Variants in RCE1 observed in about 807,000 individuals in gnomAD.
The protein encoded by RCE1 is Ras converting CAAX endopeptidase 1, also known as CAAX prenyl protease 2.
In RCE1, 15 loss-of-function variants were observed where a neutral mutation model predicts 35.0. That is an observed-to-expected ratio of 0.43 (90% CI 0.29 to 0.66). The LOEUF is 0.66. Ranked by LOEUF, RCE1 falls within the 30% of genes least tolerant of loss-of-function variation. RCE1 has a pLI of 0.17. For synonymous variants in RCE1, 261 were observed against 192.7 expected, an observed-to-expected ratio of 1.35 and a Z score of -2.94; for missense variants, 434 against 433.0, an observed-to-expected ratio of 1.00 and a Z score of -0.02.
Position 66,846,127 on chromosome 11 carries a change from C to T in RCE1, c.*32C>T. ...CTCCTGGATACGCTATGAACTCTCACCGGCTCCCCAGCCCTCCCCACCAAG... is the reference window on the plus strand; with the variant it reads ...CTCCTGGATACGCTATGAACTCTCATCGGCTCCCCAGCCCTCCCCACCAAG... On this transcript the variant is annotated 3_prime_UTR_variant, in exon 8 of 8. Transcript: ENST00000309657. 1 of 1,551,714 alleles carries T rather than the reference C, an allele frequency of 6.4e-7. No homozygotes were observed.
chr11:66,843,573 T>G lies in RCE1; in HGVS notation c.118T>G (p.Phe40Val), dbSNP rs766617424. The G allele has an allele frequency of 6.3e-7, 1 of 1,581,676 alleles. No individual in the cohort carries two copies. Among genetic ancestry groups the G allele is most frequent in the Non-Finnish European group, 8.5e-7 (1 of 1,171,896 alleles). ...CGGGCTGTGCTGCTGGGTGTCAGTG[T>G]TCTCCTGCCTCAGCCTCGCCTGCTC... ...GPGLCCWVSV[F>V]SCLSLACSYV... The change falls in exon 1 of 8, where the codon TTC becomes GTC. Residue 40 changes from phenylalanine to valine, a missense_variant. Coordinates refer to ENST00000309657, the MANE Select transcript of RCE1 (RefSeq NM_005133.3).
In RCE1 at chr11:66,845,954, C is replaced by T. The variant is rs1158793196; in HGVS notation, c.849C>T (p.Pro283=). 1.9e-6 allele frequency: 3 copies of T among 1,613,720 alleles called. No homozygotes were observed. The African/African-American group carries it at 4.0e-5, about 22-fold the overall frequency. Residue 283 remains proline (P), a synonymous_variant, in exon 8 of 8, where the codon CCC becomes CCT. Coordinates refer to ENST00000309657, the MANE Select transcript of RCE1 (RefSeq NM_005133.3). ...CAALEHPQRR[P]LLAGYALGVG... Reference sequence around the variant, plus strand: ...CCTTGGAGCACCCACAGAGGCGGCCCCTGCTGGCAGGCTATGCCCTGGGTG... The same window carrying T: ...CCTTGGAGCACCCACAGAGGCGGCCTCTGCTGGCAGGCTATGCCCTGGGTG...
In RCE1 at chr11:66,843,774, C is replaced by T. The variant is rs780145788; in HGVS notation, c.201C>T (p.Val67=). The change falls in exon 2 of 8, where the codon GTC becomes GTT. Residue 67 remains valine (V), a synonymous_variant. Transcript: ENST00000309657. ...CCCTCCGTAGGGACCATCCCGCGGTCATCAAGCGACGCTTCACCAGCGTCC... is the reference window on the plus strand; with the variant it reads ...CCCTCCGTAGGGACCATCCCGCGGTTATCAAGCGACGCTTCACCAGCGTCC... ...KSELPRDHPA[V]IKRRFTSVLV... 6.8e-6 allele frequency: 11 copies of T among 1,613,796 alleles called. No individual in the cohort carries two copies. Among genetic ancestry groups the T allele is most frequent in the Non-Finnish European group, 8.5e-6 (10 of 1,180,022 alleles).
In RCE1 at chr11:66,843,476, T is replaced by A; in HGVS notation, c.21T>A (p.Asp7Glu). 6.9e-7 allele frequency: 1 copy of A among 1,444,504 alleles called. No individual in the cohort carries two copies. The highest frequency in any genetic ancestry group is 9.0e-7 in the Non-Finnish European group (1 of 1,111,946). The allele number at this position is 1,444,504 out of a possible 1,614,324, so 89.5% of individuals were successfully genotyped here. Residue 7 changes from aspartate (D) to glutamate (E), a missense_variant, in exon 1 of 8, where the codon GAT becomes GAA. Asp to Glu is a conservative substitution (Grantham distance 45). Coordinates refer to ENST00000309657, the MANE Select transcript of RCE1 (RefSeq NM_005133.3). ...GCGCAATGGCGGCGCTGGGCGGGGA[T>A]GGGCTGCGACTGCTGTCGGTGTCGC... MAALGG[D>E]GLRLLSVSRP...
chr11:66,846,036 C>G lies in RCE1; in HGVS notation c.931C>G (p.Leu311Val), dbSNP rs368647167. 160 of 1,613,722 alleles carry G rather than the reference C, an allele frequency of 9.9e-5. No homozygotes were observed. The highest frequency in any genetic ancestry group is 1.3e-4 in the Non-Finnish European group (156 of 1,180,042). The change falls in exon 8 of 8, where the codon CTT becomes GTT. Residue 311 changes from leucine (L) to valine (V), a missense_variant. By Grantham distance (32) the Leu-to-Val change is conservative. Transcript: ENST00000309657. ...CACGGACCCCAAGCTCTACGGCAGCCTTCCCCTTTGTGTGCTTTTGGAGCG... is the reference window on the plus strand; with the variant it reads ...CACGGACCCCAAGCTCTACGGCAGCGTTCCCCTTTGTGTGCTTTTGGAGCG... ...PLTDPKLYGS[L>V]PLCVLLERAG...
Position 66,843,977 on chromosome 11 carries a change from C to G in RCE1, c.310C>G (p.Leu104Val). 6.2e-7 allele frequency: 1 copy of G among 1,614,156 alleles called. No individual in the cohort carries two copies. Among genetic ancestry groups the G allele is most frequent in the Non-Finnish European group, 8.5e-7 (1 of 1,180,038 alleles). ...TCAGCCAGGCACATCCCTGCTCACC[C>G]TGATGGGCTTCAGGCTGGAGGGCAT... ...GIQPGTSLLT[L>V]MGFRLEGIFP... The change falls in exon 3 of 8, where the codon CTG becomes GTG. Residue 104 changes from leucine (L) to valine (V), a missense_variant. Coordinates refer to ENST00000309657, the MANE Select transcript of RCE1 (RefSeq NM_005133.3).
chr11:66,845,741 G>T, intron 7 of RCE1, 119 bp from the exon 8 acceptor site: 1 of 1,468,572 alleles, frequency 6.8e-7, no homozygotes, highest in Admixed American at 2.0e-5. Flanking sequence ...TGGTGTGTGG[G>T]TGGATGGCTG....
rs1312883179 is a variant in RCE1 at position 66,845,486 on chromosome 11, C to G, written c.692-14C>G. ...GCGTGCAGGTGTGGTCACTCGTGGC[C>G]TCCCCGTCTCCAGCGTTCCAGTTCT... On this transcript the variant is annotated splice_polypyrimidine_tract_variant and intron_variant, in intron 6 of 7. Transcript: ENST00000309657. 6.2e-7 allele frequency: 1 copy of G among 1,614,146 alleles called. No individual in the cohort carries two copies. The highest frequency in any genetic ancestry group is 8.5e-7 in the Non-Finnish European group (1 of 1,180,020).
chr11:66,845,602 G>C (rs1417483760), intron 7 of RCE1, 40 bp downstream of exon 7: 1 of 1,611,722 alleles, frequency 6.2e-7, no homozygotes, highest in Admixed American at 1.7e-5. Context: ...GGGGCCCACA[G>C]GAGCGGGTGG....
rs1381960443 is a variant in RCE1, at chr11:66,846,090, T to C, written c.985T>C (p.Ser329Pro). The change falls in exon 8 of 8, where the codon TCC becomes CCC. Residue 329 changes from serine (S) to proline (P), a missense_variant. By Grantham distance (74) the Ser-to-Pro change is moderately conservative (BLOSUM62 -1). Transcript: ENST00000309657. ...AGGGGACTCAGAGGCTCCCCTGTGC[T>C]CCTGACCTATGCTCCTGGATACGCT... ...RAGDSEAPLCS is the reference protein window; with the variant it reads ...RAGDSEAPLCP 1.2e-6 allele frequency: 2 copies of C among 1,606,090 alleles called. No homozygotes were observed. The highest frequency in any genetic ancestry group is 1.7e-6 in the Non-Finnish European group (2 of 1,177,112).
rs766250535 is a variant in RCE1, at chr11:66,843,744, C to T, written c.186-15C>T. On this transcript the variant is annotated splice_polypyrimidine_tract_variant and intron_variant, in intron 1 of 7. Coordinates refer to ENST00000309657, the MANE Select transcript of RCE1 (RefSeq NM_005133.3). ...GGCAGCCGCGGGCCCCCTGAACTTA[C>T]TGTCCCCTCCGTAGGGACCATCCCG... is the stretch of plus-strand genomic sequence containing the variant. 6 of 1,612,500 alleles carry T rather than the reference C, an allele frequency of 3.7e-6. No homozygotes were observed. The Admixed American group carries it at 8.3e-5, about 22-fold the overall frequency.
At chr11:66,845,659 C>G in intron 7 of RCE1, 97 bp downstream of exon 7, 4 of 1,581,970 alleles carry the variant, frequency 2.5e-6, no homozygotes, top group Non-Finnish European at 2.6e-6. Flanking sequence ...TCTTCTACTC[C>G]AGTCCTTGAG....
At chr11:66,844,511 C>A in intron 4 of RCE1, 147 bp downstream of exon 4, 2 of 1,153,068 alleles carry the variant, frequency 1.7e-6, no homozygotes, top group Non-Finnish European at 2.5e-6. Context: ...AAACATAGAG[C>A]TAGGTGGCCT....
intron 6 of RCE1, 113 bp from the exon 7 acceptor site, chr11:66,845,387 C>G: frequency 3.8e-6 from 6 of 1,580,456 alleles, no homozygotes; most frequent in Non-Finnish European, 5.2e-6. Flanking sequence ...GGTGGTGGGG[C>G]AGGCAGCTAC....
At chr11:66,844,406 C>A (rs199569722) in intron 4 of RCE1, 42 bp downstream of exon 4, 1 of 1,611,324 alleles carries the variant, frequency 6.2e-7, no homozygotes, top group Non-Finnish European at 8.5e-7. Context: ...CACAGGCAGT[C>A]CAGGACATTG....
chr11:66,843,674 C>G (rs767584996), intron 1 of RCE1, 34 bp downstream of exon 1: 4 of 1,602,490 alleles, frequency 2.5e-6, no homozygotes. Flanking sequence ...AATCCGCGCC[C>G]TGCGGGCGGA....
rs183798678 is a variant in RCE1, at chr11:66,844,402, C to T, written c.451+38C>T. On this transcript the variant is annotated intron_variant, in intron 4 of 7. Transcript: ENST00000309657. ...GGCTGAAGGGAAAAGTAGGCACAGG[C>T]AGTCCAGGACATTGGGGCAGGGAGT... is the stretch of plus-strand genomic sequence containing the variant. The T allele has an allele frequency of 8.0e-5, 129 of 1,612,032 alleles. No homozygotes were observed. In the East Asian group the frequency reaches 2.6e-3, roughly 33 times the overall value.
chr11:66,844,487 C>A, intron 4 of RCE1, 123 bp downstream of exon 4: 1 of 1,343,492 alleles, frequency 7.4e-7, no homozygotes, highest in South Asian at 1.3e-5. Flanking sequence ...TGTGTTTTCT[C>A]ATCAGTAAAA....
At position 66,846,201 on chromosome 11, in the gene RCE1, T is replaced by A. The variant is rs1219424974; in HGVS notation, c.*106T>A. 1.6e-5 allele frequency: 22 copies of A among 1,390,122 alleles called. 1 individual carries two copies. Among genetic ancestry groups the A allele is most frequent in the Middle Eastern group, 3.7e-4 (2 of 5,364 alleles). 86.1% of individuals were successfully genotyped at this position (1,390,122 alleles called of 1,614,324 possible). A position where few individuals can be genotyped will look rare whatever the true frequency, so the allele number is the denominator to read the frequency against. On this transcript the variant is annotated 3_prime_UTR_variant, in exon 8 of 8. Coordinates refer to ENST00000309657, the MANE Select transcript of RCE1 (RefSeq NM_005133.3). The stretch of plus-strand genomic sequence containing the variant: ...CTGGGGTCCCCGAGATCTCAGGAAT[T>A]TTTGTAGGGGATTGAAGCCAGAGCT...
Sources: allele counts gnomAD v4.1 joint callset, GRCh38; gene constraint gnomAD v4.1.1; transcripts MANE v1.5; gene names NCBI Gene and HGNC (gene_info 2026-07-23, HGNC 2026-07-21).